MAML2: variants seen among roughly 807,000 people sequenced by gnomAD.
MAML2 encodes mastermind like transcriptional coactivator 2.
A neutral mutation model predicts 96.1 loss-of-function variants in MAML2; 22 were observed. That is an observed-to-expected ratio of 0.23 (90% CI 0.16 to 0.33). MAML2 has a LOEUF of 0.33. Among genes scored for constraint, MAML2 ranks in the 10% least tolerant of loss-of-function variants. The pLI, the probability that MAML2 is intolerant of heterozygous loss-of-function variation, is 1.00. For missense variants in MAML2, 1,367 were observed against 1,392.4 expected (o/e 0.98, Z 0.29); for synonymous variants, 561 against 521.3 (o/e 1.08, Z -1.04).
At chr11:96,036,082 A>T (rs1858706909) in intron 2 of MAML2, among the ~76,000 whole-genome samples, 2 of 152,246 alleles carry the variant, frequency 1.3e-5, no homozygotes, top group South Asian at 4.1e-4. Flanking sequence ...TTACCACAGT[A>T]TTATGTTCAA....
chr11:96,255,655 T>A (rs1319914044), intron 1 of MAML2, among the ~76,000 whole-genome samples: 1 of 151,922 alleles, frequency 6.6e-6, no homozygotes, highest in East Asian at 1.9e-4. Context: ...CTGCACATCG[T>A]CCCCCTTCTT....
chr11:96,071,910 G>A (rs1859351015), intron 2 of MAML2, among the ~76,000 whole-genome samples: 1 of 152,088 alleles, frequency 6.6e-6, no homozygotes, highest in Non-Finnish European at 1.5e-5. Flanking sequence ...ACCCCTTAAG[G>A]CAGACTTCTC....
At chr11:96,315,066 C>T (rs1239480793) in intron 1 of MAML2, among the ~76,000 whole-genome samples, 2 of 152,230 alleles carry the variant, frequency 1.3e-5, no homozygotes, top group Non-Finnish European at 2.9e-5. Context: ...GTATGAGTTT[C>T]CTAATCTGAT....
At chr11:95,989,134 T>C (rs1857871566) in intron 3 of MAML2, among the ~76,000 whole-genome samples, 1 of 152,212 alleles carries the variant, frequency 6.6e-6, no homozygotes, top group Admixed American at 6.5e-5. Flanking sequence ...AGGAGAATAA[T>C]AGAGAATAAG....
At chr11:96,009,123 T>C (rs892047528) in intron 2 of MAML2, among the ~76,000 whole-genome samples, 1 of 152,234 alleles carries the variant, frequency 6.6e-6, no homozygotes, top group Non-Finnish European at 1.5e-5. Flanking sequence ...GTAATATTAA[T>C]GTGCAATTGA....
At chr11:95,989,058 G>T (rs546613715) in intron 3 of MAML2, among the ~76,000 whole-genome samples, 1 of 152,308 alleles carries the variant, frequency 6.6e-6, no homozygotes, top group African/African-American at 2.4e-5. Flanking sequence ...TACACAATGC[G>T]TGTTGGTAAT....
intron 2 of MAML2, among the ~76,000 whole-genome samples, chr11:96,020,470 C>T (rs1203734587): frequency 2.6e-5 from 4 of 152,178 alleles, no homozygotes; most frequent in African/African-American, 9.7e-5. Flanking sequence ...ACTTTGCAAA[C>T]TTTAATGTGC....
At chr11:96,258,870 G>A (rs1862708092) in intron 1 of MAML2, among the ~76,000 whole-genome samples, 1 of 152,080 alleles carries the variant, frequency 6.6e-6, no homozygotes, top group South Asian at 2.1e-4. Flanking sequence ...AAATACATGT[G>A]TTTTTGCTTC....
intron 1 of MAML2, among the ~76,000 whole-genome samples, chr11:96,305,474 T>C (rs760910827): frequency 2.6e-5 from 4 of 152,144 alleles, no homozygotes; most frequent in Non-Finnish European, 2.9e-5. Flanking sequence ...TGGGAACTCT[T>C]TGTATTTTCC....
rs1418688435 is a variant in MAML2 at position 95,976,759 on chromosome 11, C to G, written c.*2189G>C. The G allele has an allele frequency of 5.4e-6, 1 of 183,600 alleles. No individual in the cohort carries two copies. The highest frequency in any genetic ancestry group is 1.2e-5 in the Non-Finnish European group (1 of 86,484). The allele number at this position is 183,600 out of a possible 1,614,324, so 11.4% of individuals were successfully genotyped here. ...CTATTTATGTTAGGGTAAAAATAAG[C>G]TGACTCACAGGAGTGTAACTGGGAA... On this transcript the variant is annotated 3_prime_UTR_variant, in exon 5 of 5. Coordinates refer to ENST00000524717, the MANE Select transcript of MAML2 (RefSeq NM_032427.4).
chr11:96,303,782 C>T (rs11021528), intron 1 of MAML2, among the ~76,000 whole-genome samples: 15,025 of 152,202 alleles, frequency 0.099, 918 homozygotes, highest in South Asian at 0.2. Flanking sequence ...CAAGCTACAC[C>T]TGGCGCCCAC....
At chr11:96,269,492 T>C (rs1045988269) in intron 1 of MAML2, among the ~76,000 whole-genome samples, 1 of 144,302 alleles carries the variant, frequency 6.9e-6, no homozygotes, top group Non-Finnish European at 1.5e-5. Flanking sequence ...AAAACCTCTT[T>C]TTGCTTTATT....
intron 1 of MAML2, among the ~76,000 whole-genome samples, chr11:96,159,241 C>T (rs371042572): frequency 4.9e-4 from 74 of 152,046 alleles, no homozygotes; most frequent in African/African-American, 1.6e-3. Flanking sequence ...TAAAGCTTAC[C>T]AAATGGCTTG....
intron 2 of MAML2, among the ~76,000 whole-genome samples, chr11:96,022,884 T>C (rs1341916726): frequency 6.6e-6 from 1 of 152,194 alleles, no homozygotes; most frequent in Admixed American, 6.5e-5. Context: ...GATGGGCAGA[T>C]GGACTAGGCC....
At chr11:96,144,159 C>A (rs966444228) in intron 1 of MAML2, among the ~76,000 whole-genome samples, 1 of 152,128 alleles carries the variant, frequency 6.6e-6, no homozygotes, top group Non-Finnish European at 1.5e-5. Flanking sequence ...AATTCTGCAG[C>A]CTAACTGATA....
intron 2 of MAML2, among the ~76,000 whole-genome samples, chr11:96,022,037 T>C (rs1022972457): frequency 3.3e-5 from 5 of 152,032 alleles, no homozygotes; most frequent in African/African-American, 1.2e-4. Flanking sequence ...TAAGCTGGGG[T>C]CTCTGTAGGC....
At chr11:95,980,094 T>G (rs183186910) in intron 4 of MAML2, 131 bp from the exon 5 acceptor site, 1 of 704,326 alleles carries the variant, frequency 1.4e-6, no homozygotes, top group Non-Finnish European at 2.3e-6. Context: ...AATGATCAAA[T>G]AAATTATATA....
intron 1 of MAML2, among the ~76,000 whole-genome samples, chr11:96,169,254 A>T (rs1861242689): frequency 6.6e-6 from 1 of 152,224 alleles, no homozygotes; most frequent in African/African-American, 2.4e-5. Context: ...TGGATTTTTT[A>T]AAGTGAAGAG....
intron 1 of MAML2, among the ~76,000 whole-genome samples, chr11:96,291,187 G>A (rs4370899): frequency 0.74 from 106,346 of 144,564 alleles, 39,081 homozygotes; most frequent in East Asian, 0.85. Context: ...GTGCAATGGC[G>A]CAATATCGGT....
Sources: allele counts gnomAD v4.1 joint callset (sites outside exome capture counted in the v4.1 genomes callset), GRCh38; gene constraint gnomAD v4.1.1; transcripts MANE v1.5; gene names NCBI Gene and HGNC (gene_info 2026-07-23, HGNC 2026-07-21).